Variants in PLEKHA8 observed in about 807,000 individuals in gnomAD.
The protein encoded by PLEKHA8 is pleckstrin homology domain-containing family A member 8.
A neutral mutation model predicts 68.2 loss-of-function variants in PLEKHA8; 36 were observed. The observed-to-expected ratio is 0.53, with a 90% CI of 0.40 to 0.70. PLEKHA8 has a LOEUF of 0.70. Among genes scored for constraint, PLEKHA8 ranks in the 30% least tolerant of loss-of-function variants. PLEKHA8 has a pLI of 0.00. For synonymous variants in PLEKHA8, 211 were observed against 216.1 expected, an observed-to-expected ratio of 0.98 and a Z score of 0.20; for missense variants, 505 against 615.4, an observed-to-expected ratio of 0.82 and a Z score of 1.90.
At chr7:30,032,023 C>T (rs1315634580) in intron 1 of PLEKHA8, among the ~76,000 whole-genome samples, 1 of 152,036 alleles carries the variant, frequency 6.6e-6, no homozygotes, top group Non-Finnish European at 1.5e-5. Flanking sequence ...TTTCATCCTG[C>T]CTTTTGGACA....
chr7:30,052,595 G>C, intron 6 of PLEKHA8, 114 bp from the exon 7 acceptor site: 2 of 836,636 alleles, frequency 2.4e-6, no homozygotes, highest in Non-Finnish European at 3.5e-6. Flanking sequence ...AGCTGTGATT[G>C]TGCCACTGTA....
intron 13 of PLEKHA8, among the ~76,000 whole-genome samples, chr7:30,127,424 G>A (rs1053558459): frequency 5.3e-5 from 8 of 152,170 alleles, no homozygotes; most frequent in African/African-American, 1.9e-4. Flanking sequence ...AAGATCATTT[G>A]GGATTCCTTA....
chr7:30,076,633 A>G (rs1003794388), intron 13 of PLEKHA8, among the ~76,000 whole-genome samples: 1 of 152,230 alleles, frequency 6.6e-6, no homozygotes, highest in African/African-American at 2.4e-5. Context: ...GTTGTAGAGT[A>G]AAAACATCTT....
At chr7:30,039,781 CTTCT>C (rs1362004469) in intron 1 of PLEKHA8, among the ~76,000 whole-genome samples, 1 of 152,096 alleles carries the variant, frequency 6.6e-6, no homozygotes, top group African/African-American at 2.4e-5. Flanking sequence ...GCTAGGTTTG[CTTCT>C]TTCTTTCCAA....
intron 12 of PLEKHA8, among the ~76,000 whole-genome samples, chr7:30,089,740 A>T (rs1372126239): frequency 6.6e-6 from 1 of 152,296 alleles, no homozygotes; most frequent in Non-Finnish European, 1.5e-5. Context: ...AAGTTCCCAC[A>T]GGTGTGTTGT....
intron 13 of PLEKHA8, among the ~76,000 whole-genome samples, chr7:30,126,757 A>G (rs1796777675): frequency 1.3e-5 from 2 of 152,174 alleles, no homozygotes; most frequent in African/African-American, 4.8e-5. Context: ...CAGGCTAGAG[A>G]GAAGAACTTA....
At chr7:30,056,310 C>CCCTATA (rs1792880359) in intron 9 of PLEKHA8, among the ~76,000 whole-genome samples, 3 of 72,202 alleles carry the variant, frequency 4.2e-5, no homozygotes, top group African/African-American at 1.4e-4. Flanking sequence ...CTCTCTCTCT[C>CCCTATA]TCTATATATA....
chr7:30,048,158 A>G (rs1006134503), intron 4 of PLEKHA8, among the ~76,000 whole-genome samples: 3 of 152,152 alleles, frequency 2.0e-5, no homozygotes, highest in Admixed American at 6.5e-5. Flanking sequence ...TAGAGGAAAA[A>G]AGTAACAAAA....
chr7:30,095,667 G>A (rs541615725), downstream of PLEKHA8, among the ~76,000 whole-genome samples: 1 of 152,100 alleles, frequency 6.6e-6, no homozygotes, highest in Admixed American at 6.5e-5. Flanking sequence ...GGTCTAACAT[G>A]TAAATCTTTA....
At chr7:30,106,092 T>G (rs1401969898) in intron 13 of PLEKHA8, among the ~76,000 whole-genome samples, 1 of 151,538 alleles carries the variant, frequency 6.6e-6, no homozygotes, top group Admixed American at 6.6e-5. Flanking sequence ...GGAGTCTCGC[T>G]CTGTTGCTCA....
At chr7:30,037,342 A>G (rs1231859134) in intron 1 of PLEKHA8, among the ~76,000 whole-genome samples, 1 of 152,078 alleles carries the variant, frequency 6.6e-6, no homozygotes, top group Non-Finnish European at 1.5e-5. Flanking sequence ...TTATTTAAAA[A>G]AATTTGTTTG....
downstream of PLEKHA8, among the ~76,000 whole-genome samples, chr7:30,091,518 C>G (rs1308960091): frequency 2.6e-5 from 4 of 152,018 alleles, no homozygotes; most frequent in Non-Finnish European, 4.4e-5. Context: ...GCTGCTATTC[C>G]TTTACCCACA....
At position 30,062,004 on chromosome 7, in the gene PLEKHA8, T is replaced by C; in HGVS notation, c.1206T>C (p.Thr402=). The part of the protein sequence containing the change: ...ADVAQVRNSA[T]EALLWLKRGL... Reference sequence around the variant, plus strand: ...TAGCCCAGGTTAGGAACTCAGCGACTGAAGCCCTCTTGTGGCTGAAGAGGT... The same window carrying C: ...TAGCCCAGGTTAGGAACTCAGCGACCGAAGCCCTCTTGTGGCTGAAGAGGT... Residue 402 remains threonine (T), a synonymous_variant, in exon 11 of 14, where the codon ACT becomes ACC. Coordinates refer to ENST00000449726, the MANE Select transcript of PLEKHA8 (RefSeq NM_001197026.2). 1 of 1,613,658 alleles carries C rather than the reference T, an allele frequency of 6.2e-7. No individual in the cohort carries two copies.
intron 9 of PLEKHA8, among the ~76,000 whole-genome samples, chr7:30,058,150 GTTTTTC>G (rs1253826826): frequency 2.6e-5 from 4 of 151,786 alleles, no homozygotes; most frequent in Non-Finnish European, 5.9e-5. Flanking sequence ...AAAGTTAATT[GTTTTTC>G]TTTTTATTAC....
At position 30,083,673 on chromosome 7, in the gene PLEKHA8, G is replaced by T; in HGVS notation, c.*4886G>T. ...AATACCACTACTCTGCAATGCAAAA[G>T]TCTTCAAAATTCTTTGTTTCCTGTA... On this transcript the variant is annotated 3_prime_UTR_variant, in exon 14 of 14. Transcript: ENST00000449726. 1 of 985,380 alleles carries T rather than the reference G, an allele frequency of 1.0e-6. No individual in the cohort carries two copies. Among genetic ancestry groups the T allele is most frequent in the Non-Finnish European group, 1.2e-6 (1 of 829,912 alleles). The allele number at this position is 985,380 out of a possible 1,614,324, so 61.0% of individuals were successfully genotyped here. A position where few individuals can be genotyped will look rare whatever the true frequency, so the allele number is the denominator to read the frequency against.
At chr7:30,065,474 A>G (rs892760043) in intron 12 of PLEKHA8, among the ~76,000 whole-genome samples, 3 of 136,324 alleles carry the variant, frequency 2.2e-5, no homozygotes, top group African/African-American at 8.0e-5. Flanking sequence ...CGGTTTTTTG[A>G]GAAATGTTTA....
chr7:30,112,378 T>C (rs1796300940), intron 13 of PLEKHA8, among the ~76,000 whole-genome samples: 1 of 149,942 alleles, frequency 6.7e-6, no homozygotes, highest in Admixed American at 6.6e-5. Flanking sequence ...AAAAGATAAC[T>C]CCTTAAAAAA....
At chr7:30,066,344 A>G (rs11980046) in intron 12 of PLEKHA8, among the ~76,000 whole-genome samples, 21,962 of 152,144 alleles carry the variant, frequency 0.14, 1,618 homozygotes, top group Middle Eastern at 0.19. Context: ...TGGAAAATGC[A>G]TCTCTAGTTA....
At chr7:30,098,568 G>C (rs918779704) in intron 13 of PLEKHA8, among the ~76,000 whole-genome samples, 1 of 152,248 alleles carries the variant, frequency 6.6e-6, no homozygotes, top group African/African-American at 2.4e-5. Context: ...CCGCCTTGCA[G>C]TTTGATCTCA....
Sources: allele counts gnomAD v4.1 joint callset (sites outside exome capture counted in the v4.1 genomes callset), GRCh38; gene constraint gnomAD v4.1.1; transcripts MANE v1.5; gene names NCBI Gene and HGNC (gene_info 2026-07-23, HGNC 2026-07-21).